ERG28: variants seen among roughly 807,000 people sequenced by gnomAD.
The protein encoded by ERG28 is ergosterol biosynthesis 28 homolog.
In ERG28, 9 loss-of-function variants were observed where a neutral mutation model predicts 15.7. The observed-to-expected ratio is 0.57, with a 90% CI of 0.35 to 1.00. The LOEUF (loss-of-function observed/expected upper bound fraction) is 1.00, where lower values mean the gene tolerates loss of function less well. Among genes scored for constraint, ERG28 ranks in the 50% least tolerant of loss-of-function variants. The pLI, the probability that ERG28 is intolerant of heterozygous loss-of-function variation, is 0.02. For synonymous variants in ERG28, 61 were observed against 68.4 expected, an observed-to-expected ratio of 0.89 and a Z score of 0.53; for missense variants, 117 against 173.3, an observed-to-expected ratio of 0.68 and a Z score of 1.82.
intron 1 of ERG28, among the ~76,000 whole-genome samples, chr14:75,659,185 CTGAGA>C (rs1276157963): frequency 6.6e-6 from 1 of 152,148 alleles, no homozygotes; most frequent in African/African-American, 2.4e-5. Context: ...GTTGGCAGAG[CTGAGA>C]TAAGAATCAT....
Position 75,651,895 on chromosome 14 carries a change from A to C in ERG28, c.225-6T>G. 1 of 1,594,908 alleles carries C rather than the reference A, an allele frequency of 6.3e-7. No homozygotes were observed. The highest frequency in any genetic ancestry group is 8.6e-7 in the Non-Finnish European group (1 of 1,162,446). ...AGAGTGTGATGTGATAGAGCCTATA[A>C]GGAAGCAGACAGAAATGGGAACCAA... is the stretch of plus-strand genomic sequence containing the variant. On this transcript the variant is annotated splice_polypyrimidine_tract_variant and splice_region_variant and intron_variant, in intron 3 of 4. Transcript: ENST00000256319.
Position 75,650,789 on chromosome 14 carries a change from A to G in ERG28, c.*766T>C, listed in dbSNP as rs1416241649. On this transcript the variant is annotated 3_prime_UTR_variant, in exon 5 of 5. Coordinates refer to ENST00000256319, the MANE Select transcript of ERG28 (RefSeq NM_007176.4). ...GCTGACCTGTGTCATGAGCTGTCCT[A>G]CTCACTATGGTGTATTCAATCAGGC... The G allele has an allele frequency of 6.6e-6, 1 of 152,448 alleles. No homozygotes were observed. Among genetic ancestry groups the G allele is most frequent in the Non-Finnish European group, 1.5e-5 (1 of 68,058 alleles). 9.4% of individuals were successfully genotyped at this position (152,448 alleles called of 1,614,324 possible). A position where few individuals can be genotyped will look rare whatever the true frequency, so the allele number is the denominator to read the frequency against.
chr14:75,656,507 A>G (rs1360202150), intron 2 of ERG28, among the ~76,000 whole-genome samples: 7 of 152,196 alleles, frequency 4.6e-5, no homozygotes, highest in Admixed American at 3.9e-4. Flanking sequence ...TCACTTTCCC[A>G]GGTTCTTTAC....
chr14:75,657,926 G>A (rs1890618695), intron 1 of ERG28, among the ~76,000 whole-genome samples: 1 of 152,150 alleles, frequency 6.6e-6, no homozygotes, highest in Non-Finnish European at 1.5e-5. Context: ...TATGGTGTGA[G>A]GTCACTATTT....
At chr14:75,659,965 G>A (rs991387798) in intron 1 of ERG28, among the ~76,000 whole-genome samples, 41 of 150,646 alleles carry the variant, frequency 2.7e-4, no homozygotes, top group Non-Finnish European at 3.5e-4. Context: ...GGATCACAAA[G>A]GTGGTCTCTG....
At chr14:75,652,255 C>T (rs561034791) in intron 3 of ERG28, among the ~76,000 whole-genome samples, 1 of 152,354 alleles carries the variant, frequency 6.6e-6, no homozygotes, top group Non-Finnish European at 1.5e-5. Flanking sequence ...AATTGGTTGA[C>T]TCTGCAGTCT....
intron 2 of ERG28, among the ~76,000 whole-genome samples, chr14:75,656,279 A>AAC (rs34053718): frequency 0.26 from 35,055 of 135,652 alleles, 5,006 homozygotes; most frequent in Non-Finnish European, 0.33. Context: ...GTGCTGGCTG[A>AAC]ACACACACAC....
intron 2 of ERG28, 85 bp from the exon 3 acceptor site, chr14:75,655,061 G>A (rs549970659): frequency 1.6e-5 from 21 of 1,341,530 alleles, no homozygotes; most frequent in Non-Finnish European, 4.3e-6. Context: ...GGTGGTTCAT[G>A]GGAGATAGGG....
chr14:75,654,663 T>G (rs1040165220), intron 3 of ERG28, among the ~76,000 whole-genome samples: 4 of 152,172 alleles, frequency 2.6e-5, no homozygotes, highest in African/African-American at 9.7e-5. Flanking sequence ...GGCCTGCCAG[T>G]TTGCTATGTC....
At chr14:75,651,922 G>A (rs1383666270) in intron 3 of ERG28, 33 bp from the exon 4 acceptor site, 4 of 1,532,980 alleles carry the variant, frequency 2.6e-6, no homozygotes. Flanking sequence ...GGGAACCAAA[G>A]TTACTGTTTG....
intron 1 of ERG28, among the ~76,000 whole-genome samples, chr14:75,660,521 G>T (rs904117572): frequency 2.6e-5 from 4 of 152,128 alleles, no homozygotes; most frequent in Non-Finnish European, 4.4e-5. Context: ...AAAAAGTGAA[G>T]GCTCTTTGTA....
In ERG28 at chr14:75,651,491, A is replaced by T. The variant is rs1428829626; in HGVS notation, c.*64T>A. On this transcript the variant is annotated 3_prime_UTR_variant, in exon 5 of 5. Coordinates refer to ENST00000256319, the MANE Select transcript of ERG28 (RefSeq NM_007176.4). ...ATAGAAAAGAAATTAAAGAGGAGAG[A>T]CGACGAAGGAAGAAGATGGCCAAGG... 8 of 1,450,554 alleles carry T rather than the reference A, an allele frequency of 5.5e-6. No homozygotes were observed. In the East Asian group the frequency reaches 1.8e-4, roughly 33 times the overall value. The allele number at this position is 1,450,554 out of a possible 1,614,324, so 89.9% of individuals were successfully genotyped here. A position where few individuals can be genotyped will look rare whatever the true frequency, so the allele number is the denominator to read the frequency against.
At chr14:75,654,261 A>G (rs540356868) in intron 3 of ERG28, among the ~76,000 whole-genome samples, 37 of 152,376 alleles carry the variant, frequency 2.4e-4, no homozygotes, top group Admixed American at 5.2e-4. Context: ...GGTGACCTGA[A>G]CAAACTGTTT....
chr14:75,653,607 GAAA>G (rs758218155), intron 3 of ERG28, among the ~76,000 whole-genome samples: 1 of 108,842 alleles, frequency 9.2e-6, no homozygotes, highest in Non-Finnish European at 1.9e-5. Flanking sequence ...GACTGTCTCA[GAAA>G]AAAAAAAAAA....
intron 1 of ERG28, among the ~76,000 whole-genome samples, chr14:75,658,673 G>A (rs1399421004): frequency 2.0e-5 from 3 of 152,160 alleles, no homozygotes; most frequent in Non-Finnish European, 4.4e-5. Flanking sequence ...GTTCATATGT[G>A]GTTACATATG....
intron 2 of ERG28, among the ~76,000 whole-genome samples, chr14:75,656,867 G>C (rs1338108080): frequency 6.6e-6 from 1 of 152,142 alleles, no homozygotes; most frequent in Non-Finnish European, 1.5e-5. Context: ...CTCTCCATCT[G>C]TAACATGGAA....
rs933247216 is a variant in ERG28 at position 75,652,894 on chromosome 14, G to A, written c.225-1005C>T. Reference sequence around the variant, plus strand: ...GCTGGAGTGCAGTGGCACAATCTTGGCTCACTGCAACCTCCGCCTCTTGGG... The same window carrying A: ...GCTGGAGTGCAGTGGCACAATCTTGACTCACTGCAACCTCCGCCTCTTGGG... On this transcript the variant is annotated intron_variant, in intron 3 of 4. Transcript: ENST00000256319. 1.4e-5 allele frequency among the ~76,000 whole-genome samples: 2 copies of A among 144,540 alleles called. 1 individual carries two copies. The highest frequency in any genetic ancestry group is 5.3e-5 in the African/African-American group (2 of 37,450). 94.8% of individuals were successfully genotyped at this position (144,540 alleles called of 152,430 possible). A position where few individuals can be genotyped will look rare whatever the true frequency, so the allele number is the denominator to read the frequency against.
In ERG28 at chr14:75,651,573, T is replaced by C. The variant is rs902160436; in HGVS notation, c.405A>G (p.Arg135=). 1.2e-6 allele frequency: 2 copies of C among 1,612,844 alleles called. No individual in the cohort carries two copies. Among genetic ancestry groups the C allele is most frequent in the Admixed American group, 1.7e-5 (1 of 59,982 alleles). The part of the protein sequence containing the change: ...LRYLEVEPVS[R]QKKRN ...GCTGGCCTCAGTTTCTCTTCTTCTGTCTGGATACTGGTTCTACTTCTAGAT... is the reference window on the plus strand; with the variant it reads ...GCTGGCCTCAGTTTCTCTTCTTCTGCCTGGATACTGGTTCTACTTCTAGAT... The change falls in exon 5 of 5, where the codon AGA becomes AGG. Residue 135 remains arginine (R), a synonymous_variant. Coordinates refer to ENST00000256319, the MANE Select transcript of ERG28 (RefSeq NM_007176.4).
At chr14:75,656,013 A>G (rs1243521480) in intron 2 of ERG28, among the ~76,000 whole-genome samples, 2 of 152,210 alleles carry the variant, frequency 1.3e-5, no homozygotes, top group African/African-American at 2.4e-5. Context: ...ACAATACTGA[A>G]GACCATTAGA....
Sources: allele counts gnomAD v4.1 joint callset (sites outside exome capture counted in the v4.1 genomes callset), GRCh38; gene constraint gnomAD v4.1.1; transcripts MANE v1.5; gene names NCBI Gene and HGNC (gene_info 2026-07-23, HGNC 2026-07-21).